ADGRG5: variants seen among roughly 807,000 people sequenced by gnomAD.
ADGRG5 encodes adhesion G protein-coupled receptor G5.
ADGRG5 carries 37 observed loss-of-function variants against 53.2 expected under a neutral mutation model. The ratio of observed to expected loss-of-function variants is 0.70; its 90% CI spans 0.53 to 0.91. ADGRG5 has a LOEUF of 0.91. ADGRG5 is among the 40% of genes least tolerant of loss of function. The probability of loss-of-function intolerance (pLI) is 0.00; values close to 1 mark genes in which losing one functional copy is unlikely to be tolerated. For missense variants in ADGRG5, 614 were observed against 675.8 expected (o/e 0.91, Z 1.01); for synonymous variants, 277 against 290.4 (o/e 0.95, Z 0.47).
At chr16:57,566,287 C>T (rs545774540) in intron 6 of ADGRG5, 1 of 267,170 alleles carries the variant, frequency 3.7e-6, no homozygotes, top group South Asian at 1.7e-4. Flanking sequence ...TATAAAAGGC[C>T]AGAGCTGGAC....
chr16:57,533,156 G>T, the ADGRG5 span, among the ~76,000 whole-genome samples: 1 of 152,172 alleles, frequency 6.6e-6, no homozygotes. Flanking sequence ...CCTTCCCAGC[G>T]GCCTGGCCAG....
the ADGRG5 span, chr16:57,529,466 T>G: frequency 5.3e-6 from 1 of 188,018 alleles, no homozygotes; most frequent in Non-Finnish European, 1.1e-5. This position sits in a 1 kb window ranked among gnomAD's most constrained non-coding sequence, Gnocchi z 4.1. Flanking sequence ...TGAGGCAGGA[T>G]TGGTGGAGCA....
At chr16:57,540,825 C>T (rs1441830915), upstream of ADGRG5, among the ~76,000 whole-genome samples, 5 of 152,174 alleles carry the variant, frequency 3.3e-5, no homozygotes, top group Non-Finnish European at 1.5e-5. Flanking sequence ...GAGTCTCACT[C>T]TGTTGCCCAA....
chr16:57,564,961 A>C, intron 5 of ADGRG5, 73 bp from the exon 6 acceptor site: 1 of 801,292 alleles, frequency 1.2e-6, no homozygotes, highest in South Asian at 1.5e-5. Context: ...TCATCCAGGG[A>C]AGCGGAGCTC....
At chr16:57,542,619 G>T (rs1168379631), upstream of ADGRG5, 1 of 149,890 alleles carries the variant, frequency 6.7e-6, no homozygotes, top group Non-Finnish European at 1.5e-5. Context: ...ACCCACAGAC[G>T]CCTCCCGACT....
At chr16:57,568,713 C>T (rs1430404719) in intron 9 of ADGRG5, among the ~76,000 whole-genome samples, 10 of 151,570 alleles carry the variant, frequency 6.6e-5, no homozygotes, top group African/African-American at 2.2e-4. Flanking sequence ...TCATCACCTC[C>T]TCAACCTCCA....
intron 10 of ADGRG5, among the ~76,000 whole-genome samples, chr16:57,571,658 T>TTC (rs1258958995): frequency 2.9e-4 from 43 of 146,658 alleles, no homozygotes; most frequent in African/African-American, 1.0e-3. Context: ...TTTTTTTTCT[T>TTC]TTTTTTTTTT....
intron 1 of ADGRG5, among the ~76,000 whole-genome samples, chr16:57,554,544 C>T (rs558770588): frequency 6.6e-6 from 1 of 151,642 alleles, no homozygotes; most frequent in African/African-American, 2.4e-5. Flanking sequence ...GCCCGGCTAA[C>T]TTTTTGTATT....
the ADGRG5 span, among the ~76,000 whole-genome samples, chr16:57,537,014 T>G: frequency 1.3e-5 from 2 of 152,320 alleles, no homozygotes; most frequent in South Asian, 2.1e-4. Flanking sequence ...CCAACAAGTC[T>G]GTGCCCATCG....
Position 57,567,720 on chromosome 16 carries a change from CT to C in ADGRG5, c.821+131del, listed in dbSNP as rs1464880879. 2.8e-6 allele frequency: 4 copies of C among 1,420,224 alleles called. No individual in the cohort carries two copies. In the African/African-American group the frequency reaches 5.6e-5, roughly 20 times the overall value. The allele number at this position is 1,420,224 out of a possible 1,614,324, so 88.0% of individuals were successfully genotyped here. A position where few individuals can be genotyped will look rare whatever the true frequency, so the allele number is the denominator to read the frequency against. On this transcript the variant is annotated intron_variant, in intron 8 of 11. Transcript: ENST00000349457. ...GGGGACCAGGAGGCGGGAGACCAGC[CT>C]TGTGGTGCGACTGCTGTGGGATCCC...
At chr16:57,535,931 G>A in the ADGRG5 span, among the ~76,000 whole-genome samples, 3 of 152,162 alleles carry the variant, frequency 2.0e-5, no homozygotes, top group Non-Finnish European at 4.4e-5. Flanking sequence ...TGAAGCCCCA[G>A]CCCTGCGTCG....
At chr16:57,551,725 C>G (rs2032759162) in intron 1 of ADGRG5, among the ~76,000 whole-genome samples, 1 of 152,236 alleles carries the variant, frequency 6.6e-6, no homozygotes, top group Non-Finnish European at 1.5e-5. Context: ...GATATTTTGA[C>G]TTCTTCCCAT....
At chr16:57,570,648 G>C (rs1438997355) in intron 10 of ADGRG5, 113 bp downstream of exon 10, 1 of 773,268 alleles carries the variant, frequency 1.3e-6, no homozygotes, top group Non-Finnish European at 2.2e-6. Context: ...GGGGCAGAGA[G>C]GGAGCTGGGG....
rs114139150 is a variant in ADGRG5 at position 57,567,978 on chromosome 16, C to T, written c.944C>T (p.Thr315Met). The T allele has an allele frequency of 5.1e-5, 82 of 1,614,026 alleles. No homozygotes were observed. In the African/African-American group the frequency reaches 7.1e-4, roughly 14 times the overall value. ...TCTCCTGTGCCCGGGTCAGCATGCA[C>T]GGCTCTGGCCGCTGCCCTGCACTAC... ...AMSPVPGSAC[T>M]ALAAALHYAL... Residue 315 changes from threonine (T) to methionine (M), a missense_variant, in exon 9 of 12, where the codon ACG becomes ATG. Thr to Met is a moderately conservative substitution (Grantham distance 81). Coordinates refer to ENST00000349457, the MANE Select transcript of ADGRG5 (RefSeq NM_001304376.3).
chr16:57,571,329 A>G (rs1309316088), intron 10 of ADGRG5, among the ~76,000 whole-genome samples: 1 of 152,102 alleles, frequency 6.6e-6, no homozygotes, highest in Non-Finnish European at 1.5e-5. Flanking sequence ...CACCTGAGAA[A>G]CAGGCAGCTT....
intron 3 of ADGRG5, chr16:57,562,675 C>T: frequency 3.5e-6 from 2 of 574,244 alleles, no homozygotes; most frequent in East Asian, 2.9e-5. Context: ...GATGTCATGA[C>T]ACTAAGTGCA....
chr16:57,562,191 A>C, intron 2 of ADGRG5, 34 bp downstream of exon 2: 1 of 1,567,918 alleles, frequency 6.4e-7, no homozygotes, highest in South Asian at 1.2e-5. Flanking sequence ...GGGCAGCCCT[A>C]GCCCAGTCGT....
At chr16:57,538,399 G>A (rs1307211052), upstream of ADGRG5, among the ~76,000 whole-genome samples, 1 of 152,174 alleles carries the variant, frequency 6.6e-6, no homozygotes, top group Admixed American at 6.5e-5. Context: ...GAGGCCGGGA[G>A]TTCAAGACCA....
the ADGRG5 span, among the ~76,000 whole-genome samples, chr16:57,532,681 C>T: frequency 6.7e-6 from 1 of 148,388 alleles, no homozygotes; most frequent in Non-Finnish European, 1.5e-5. Context: ...GAGACATGCT[C>T]ATCCCCAAGT....
Sources: allele counts gnomAD v4.1 joint callset (sites outside exome capture counted in the v4.1 genomes callset), GRCh38; gene constraint gnomAD v4.1.1; non-coding constraint Gnocchi (gnomAD v3.1); transcripts MANE v1.5; gene names NCBI Gene and HGNC (gene_info 2026-07-23, HGNC 2026-07-21).